Variants in DCAF6 observed in about 807,000 individuals in gnomAD.
DCAF6 encodes DDB1 and CUL4 associated factor 6, also known as DDB1- and CUL4-associated factor 6.
DCAF6 carries 54 observed loss-of-function variants against 125.1 expected under a neutral mutation model. That is an observed-to-expected ratio of 0.43 (90% CI 0.35 to 0.54). The LOEUF (loss-of-function observed/expected upper bound fraction) is 0.54. Among genes scored for constraint, DCAF6 ranks in the 20% least tolerant of loss-of-function variants. The probability of loss-of-function intolerance (pLI) is 0.01; values close to 1 mark genes in which losing one functional copy is unlikely to be tolerated. For missense variants in DCAF6, 934 were observed against 1,161.7 expected, an observed-to-expected ratio of 0.80 and a Z score of 2.85; for synonymous variants, 371 against 390.4, an observed-to-expected ratio of 0.95 and a Z score of 0.58.
chr1:167,884,273 T>A, the DCAF6 span, among the ~76,000 whole-genome samples: 1 of 152,144 alleles, frequency 6.6e-6, no homozygotes, highest in African/African-American at 2.4e-5. Flanking sequence ...GGACTCAAAC[T>A]TATAATATGG....
At chr1:168,029,400 A>G (rs1023085946) in intron 12 of DCAF6, among the ~76,000 whole-genome samples, 5 of 152,194 alleles carry the variant, frequency 3.3e-5, no homozygotes, top group East Asian at 3.9e-4. Context: ...CATTAATTCA[A>G]CTGATACGTA....
chr1:167,918,917 C>A, the DCAF6 span, among the ~76,000 whole-genome samples: 4 of 152,016 alleles, frequency 2.6e-5, no homozygotes, highest in African/African-American at 9.7e-5. Context: ...AACAGCTTAG[C>A]TGACATATAG....
At chr1:168,011,179 C>T (rs1339247841) in intron 10 of DCAF6, among the ~76,000 whole-genome samples, 4 of 144,094 alleles carry the variant, frequency 2.8e-5, no homozygotes, top group Non-Finnish European at 6.0e-5. Context: ...TGCAGTGGCG[C>T]GACCTCGGCT....
At chr1:168,045,509 A>G (rs1689057461) in intron 16 of DCAF6, among the ~76,000 whole-genome samples, 1 of 152,228 alleles carries the variant, frequency 6.6e-6, no homozygotes, top group Non-Finnish European at 1.5e-5. Context: ...AATGTTAAGA[A>G]TGACCCACAG....
chr1:168,025,527 A>G (rs1686226476), intron 12 of DCAF6, among the ~76,000 whole-genome samples: 1 of 152,204 alleles, frequency 6.6e-6, no homozygotes, highest in South Asian at 2.1e-4. Context: ...AAATGTTCTA[A>G]TGGTGGAAAA....
the DCAF6 span, among the ~76,000 whole-genome samples, chr1:167,885,099 C>T: frequency 1.3e-5 from 2 of 150,404 alleles, no homozygotes; most frequent in African/African-American, 4.9e-5. Context: ...CTTCCATCCA[C>T]GTTGTTGCAA....
chr1:167,911,181 A>C, the DCAF6 span, among the ~76,000 whole-genome samples: 1 of 152,238 alleles, frequency 6.6e-6, no homozygotes, highest in African/African-American at 2.4e-5. Context: ...GGAAGTGTTG[A>C]ATAGCTATCT....
At chr1:167,912,696 T>G in the DCAF6 span, among the ~76,000 whole-genome samples, 43 of 152,324 alleles carry the variant, frequency 2.8e-4, no homozygotes, top group African/African-American at 1.0e-3. Flanking sequence ...TCTTGCCTAT[T>G]AAACTCTCCG....
chr1:168,075,392 C>G lies in DCAF6; in HGVS notation c.2813C>G (p.Ser938Ter). 6.2e-7 allele frequency: 1 copy of G among 1,605,240 alleles called. No individual in the cohort carries two copies. The highest frequency in any genetic ancestry group is 8.5e-7 in the Non-Finnish European group (1 of 1,178,042). Reference protein sequence around the residue: ...IRADRLEGDRSEGSGQENENE... With the variant: ...IRADRLEGDR The stretch of plus-strand genomic sequence containing the variant: ...CCAGACCGGTTGGAGGGTGACAGAT[C>G]AGAAGGCTCTGGTCAAGAGAATGAA... Residue 938 changes from serine to a stop codon, truncating the protein, a stop_gained, in exon 22 of 22, where the codon TCA becomes TGA. Transcript: ENST00000367840. LOFTEE classifies it high-confidence loss of function.
chr1:168,002,669 A>G, intron 8 of DCAF6, 94 bp downstream of exon 8: 3 of 978,210 alleles, frequency 3.1e-6, no homozygotes, highest in Non-Finnish European at 4.6e-6. Context: ...TTATTCTGTA[A>G]TGAACATTCT....
chr1:168,029,059 C>A (rs1686707668), intron 12 of DCAF6, among the ~76,000 whole-genome samples: 1 of 152,142 alleles, frequency 6.6e-6, no homozygotes, highest in African/African-American at 2.4e-5. Context: ...ACTACTAGGT[C>A]TTGATTGTTC....
intron 2 of DCAF6, 88 bp downstream of exon 2, chr1:167,951,949 A>T (rs978570670): frequency 1.3e-5 from 10 of 764,812 alleles, no homozygotes; most frequent in Non-Finnish European, 2.2e-5. Flanking sequence ...CCCAGAAAGG[A>T]TTGTGACTAT....
chr1:168,059,384 C>G lies in DCAF6; in HGVS notation c.2301-4237C>G, dbSNP rs78732575. 9.4e-3 allele frequency among the ~76,000 whole-genome samples: 1,430 copies of G among 152,294 alleles called. 25 individuals carry two copies. The highest frequency in any genetic ancestry group is 0.032 in the African/African-American group (1,333 of 41,558). ...TTCATCAGACAATTTGCCTGTCTCT[C>G]TGTCAGTATCATACTTTTGTAATTA... is the stretch of plus-strand genomic sequence containing the variant. On this transcript the variant is annotated intron_variant, in intron 17 of 21. Coordinates refer to ENST00000367840, the MANE Select transcript of DCAF6 (RefSeq NM_001198956.2).
the DCAF6 span, among the ~76,000 whole-genome samples, chr1:167,912,373 CT>C: frequency 2.6e-5 from 4 of 152,224 alleles, no homozygotes; most frequent in Non-Finnish European, 5.9e-5. Context: ...CGGAGGCCTT[CT>C]TTCCCTTGCC....
chr1:168,014,809 C>G (rs573971335), intron 10 of DCAF6, among the ~76,000 whole-genome samples: 1 of 152,330 alleles, frequency 6.6e-6, no homozygotes, highest in East Asian at 1.9e-4. Context: ...CTCCAGGTAT[C>G]CATGTGGTTT....
At chr1:168,005,687 CT>C (rs1359889162) in intron 10 of DCAF6, among the ~76,000 whole-genome samples, 7 of 152,144 alleles carry the variant, frequency 4.6e-5, no homozygotes, top group African/African-American at 1.7e-4. Flanking sequence ...CAAGCTGTCA[CT>C]TTATTCTTAC....
intron 11 of DCAF6, chr1:168,019,504 A>C: frequency 2.2e-6 from 1 of 451,824 alleles, no homozygotes; most frequent in Non-Finnish European, 4.5e-6. Context: ...GGCATTCAGC[A>C]TATGGCTGAT....
At chr1:167,890,788 A>G in the DCAF6 span, among the ~76,000 whole-genome samples, 1 of 152,270 alleles carries the variant, frequency 6.6e-6, no homozygotes, top group Non-Finnish European at 1.5e-5. Context: ...ATGTTTTCAC[A>G]TTCTGTCCTA....
At chr1:167,903,147 G>A in the DCAF6 span, among the ~76,000 whole-genome samples, 1 of 151,922 alleles carries the variant, frequency 6.6e-6, no homozygotes, top group African/African-American at 2.4e-5. Flanking sequence ...CCCCAGCTAC[G>A]TGTGTGGCTG....
Sources: gnomAD v4.1 joint callset for allele counts (sites outside exome capture counted in the v4.1 genomes callset) on GRCh38, gnomAD v4.1.1 for gene constraint, MANE v1.5 for transcripts, NCBI Gene and HGNC (gene_info 2026-07-23, HGNC 2026-07-21) for gene names.